The following WSB1 variants were observed in gnomAD, a reference collection of about 807,000 sequenced individuals.
WSB1 encodes WD repeat and SOCS box containing 1, also known as WD repeat and SOCS box-containing protein 1.
WSB1 carries 23 observed loss-of-function variants against 50.2 expected under a neutral mutation model. That is an observed-to-expected ratio of 0.46 (90% CI 0.33 to 0.65). WSB1 has a LOEUF of 0.65. Ranked by LOEUF, WSB1 falls within the 30% of genes least tolerant of loss-of-function variation. WSB1 has a pLI of 0.02. For synonymous variants in WSB1, 179 were observed against 172.0 expected, an observed-to-expected ratio of 1.04 and a Z score of -0.32; for missense variants, 492 against 522.3, an observed-to-expected ratio of 0.94 and a Z score of 0.56.
intron 3 of WSB1, among the ~76,000 whole-genome samples, chr17:27,304,491 G>A (rs2017359868): frequency 7.9e-6 from 1 of 127,150 alleles, no homozygotes; most frequent in Non-Finnish European, 1.6e-5. Context: ...TTGAGCCCAG[G>A]AGTTTTAGAC....
rs976122946 is a variant in WSB1 at position 27,313,164 on chromosome 17, A to G, written c.*795A>G. 3 of 152,568 alleles carry G rather than the reference A, an allele frequency of 2.0e-5. No individual in the cohort carries two copies. The highest frequency in any genetic ancestry group is 7.2e-5 in the African/African-American group (3 of 41,442). 9.5% of individuals were successfully genotyped at this position (152,568 alleles called of 1,614,324 possible). A position where few individuals can be genotyped will look rare whatever the true frequency, so the allele number is the denominator to read the frequency against. ...GAAAAGGATTTTATTATCCTTAGGA[A>G]TGTCATCCAAGACGTAGAGCTTGAA... On this transcript the variant is annotated 3_prime_UTR_variant, in exon 9 of 9. Transcript: ENST00000262394.
chr17:27,306,202 C>CTT (rs907711059), intron 4 of WSB1, among the ~76,000 whole-genome samples: 4,617 of 63,134 alleles, frequency 0.073, 1,239 homozygotes, highest in Non-Finnish European at 0.11. Flanking sequence ...AGAATTCTGT[C>CTT]TTTTTTTTTT....
intron 1 of WSB1, among the ~76,000 whole-genome samples, chr17:27,296,268 T>G (rs1253602893): frequency 1.3e-5 from 2 of 151,628 alleles, no homozygotes; most frequent in Non-Finnish European, 2.9e-5. Flanking sequence ...CATATTTAGG[T>G]CTCAGTGTTA....
Position 27,312,462 on chromosome 17 carries a change from G to C in WSB1, c.*93G>C. 1 of 1,500,552 alleles carries C rather than the reference G, an allele frequency of 6.7e-7. No individual in the cohort carries two copies. The highest frequency in any genetic ancestry group is 1.2e-5 in the South Asian group (1 of 80,006). The allele number at this position is 1,500,552 out of a possible 1,614,324, so 93.0% of individuals were successfully genotyped here. A position where few individuals can be genotyped will look rare whatever the true frequency, so the allele number is the denominator to read the frequency against. ...ACTTCAATTATCTGTTTTTAAAGACGTAGAAGATTTATTTAATTTGATATG... is the reference window on the plus strand; with the variant it reads ...ACTTCAATTATCTGTTTTTAAAGACCTAGAAGATTTATTTAATTTGATATG... On this transcript the variant is annotated 3_prime_UTR_variant, in exon 9 of 9. Coordinates refer to ENST00000262394, the MANE Select transcript of WSB1 (RefSeq NM_015626.10).
chr17:27,301,816 A>G lies in WSB1; in HGVS notation c.69A>G (p.Leu23=), dbSNP rs2017242580. 6.2e-7 allele frequency: 1 copy of G among 1,614,136 alleles called. No homozygotes were observed. The highest frequency in any genetic ancestry group is 8.5e-7 in the Non-Finnish European group (1 of 1,180,012). ...GATTACGTACTATAGGTGAACTTTTAGCTCCTGCAGCTCCTTTTGACAAGA... is the reference window on the plus strand; with the variant it reads ...GATTACGTACTATAGGTGAACTTTTGGCTCCTGCAGCTCCTTTTGACAAGA... ...IVRLRTIGEL[L]APAAPFDKKC... Residue 23 remains leucine (L), a synonymous_variant, in exon 2 of 9, where the codon TTA becomes TTG. Transcript: ENST00000262394.
chr17:27,303,726 C>G lies in WSB1; in HGVS notation c.478+91C>G, dbSNP rs2270760. On this transcript the variant is annotated intron_variant, in intron 3 of 8. Transcript: ENST00000262394. ...TGGAATTGGGATTTGAGGATTTCAG[C>G]TTACTGAAAAGCAAGAATTGATGGC... The G allele has an allele frequency of 1.3e-3, 1,991 of 1,480,490 alleles. 41 individuals are homozygous for G. The East Asian group carries it at 0.042, about 31-fold the overall frequency. 91.7% of individuals were successfully genotyped at this position (1,480,490 alleles called of 1,614,324 possible).
chr17:27,307,755 A>G, intron 5 of WSB1: 1 of 1,534,628 alleles, frequency 6.5e-7, no homozygotes, highest in East Asian at 2.5e-5. Flanking sequence ...TGGTGGCAGC[A>G]ATATTGGTGT....
rs764890411 is a variant in WSB1 at position 27,312,394 on chromosome 17, G to C, written c.*25G>C. ...GAAGATTCTGCCTTCCCTAGTAGTA[G>C]GGACTGACAGAATACACTTAACACA... On this transcript the variant is annotated 3_prime_UTR_variant, in exon 9 of 9. Transcript: ENST00000262394. The C allele has an allele frequency of 4.3e-6, 7 of 1,610,378 alleles. 1 individual carries two copies. The South Asian group carries it at 7.7e-5, about 18-fold the overall frequency.
chr17:27,304,936 A>C, intron 4 of WSB1, 25 bp downstream of exon 4: 1 of 1,612,830 alleles, frequency 6.2e-7, no homozygotes, highest in Non-Finnish European at 8.5e-7. Context: ...CAAGCTATGA[A>C]CTAGGATTTG....
intron 5 of WSB1, chr17:27,307,411 G>A: frequency 2.7e-6 from 1 of 368,220 alleles, no homozygotes; most frequent in Non-Finnish European, 4.9e-6. Context: ...CTGTTAAGAG[G>A]GTTATGCTTA....
At chr17:27,295,957 C>T (rs1597748065) in intron 1 of WSB1, among the ~76,000 whole-genome samples, 1 of 152,068 alleles carries the variant, frequency 6.6e-6, no homozygotes, top group Admixed American at 6.6e-5. Flanking sequence ...CCTCCCTCAG[C>T]CTCCTGAGTA....
intron 4 of WSB1, 98 bp from the exon 5 acceptor site, chr17:27,306,684 C>A: frequency 8.3e-7 from 1 of 1,205,214 alleles, no homozygotes. Context: ...TTGCTTTCAG[C>A]TATAAATGTT....
At chr17:27,311,768 A>G (rs777930387) in intron 8 of WSB1, 152 bp downstream of exon 8, 3 of 612,686 alleles carry the variant, frequency 4.9e-6, no homozygotes, top group Non-Finnish European at 5.4e-6. Context: ...AGTAGCTGGG[A>G]CTACAGGTGC....
At chr17:27,294,470 C>T in intron 1 of WSB1, 35 bp downstream of exon 1, 4 of 1,611,166 alleles carry the variant, frequency 2.5e-6, no homozygotes, top group Non-Finnish European at 3.4e-6. Context: ...CGCATGAGGG[C>T]CGAGGAGAGG....
chr17:27,297,366 A>G (rs961198933), intron 1 of WSB1: 9 of 151,394 alleles, frequency 5.9e-5, no homozygotes, highest in Non-Finnish European at 1.2e-4. Context: ...GGGGGGTTTC[A>G]CCATGTTAGC....
rs533210726 is a variant in WSB1, at chr17:27,313,205, AAAC to A, written c.*845_*847del. The A allele has an allele frequency of 2.1e-3, 328 of 152,640 alleles. 1 individual carries two copies. The highest frequency in any genetic ancestry group is 3.5e-3 in the Admixed American group (54 of 15,288). The allele number at this position is 152,640 out of a possible 1,614,324, so 9.5% of individuals were successfully genotyped here. A position where few individuals can be genotyped will look rare whatever the true frequency, so the allele number is the denominator to read the frequency against. ...AGAGCTTGAATGTGACGTTATTTAAAAACAACAACAAAGAAGGCAGAGCCAGGA... is the reference window on the plus strand; with the variant it reads ...AGAGCTTGAATGTGACGTTATTTAAAAACAACAAAGAAGGCAGAGCCAGGA... On this transcript the variant is annotated 3_prime_UTR_variant, in exon 9 of 9. Transcript: ENST00000262394.
chr17:27,298,085 A>G (rs1412002622), intron 1 of WSB1, among the ~76,000 whole-genome samples: 5 of 147,256 alleles, frequency 3.4e-5, no homozygotes, highest in Admixed American at 7.0e-5. Flanking sequence ...AGATCATGCC[A>G]CTGCACTCCA....
At position 27,307,991 on chromosome 17, in the gene WSB1, T is replaced by G. The variant is rs1009481498; in HGVS notation, c.711+1109T>G. On this transcript the variant is annotated intron_variant, in intron 5 of 8. Coordinates refer to ENST00000262394, the MANE Select transcript of WSB1 (RefSeq NM_015626.10). ...TTTTTTAAAGTAATTTCCCCCACAG[T>G]AAAATACACTGACTCCTGAGTAAAT... 4.8e-6 allele frequency: 6 copies of G among 1,239,826 alleles called. No individual in the cohort carries two copies. The African/African-American group carries it at 9.3e-5, about 19-fold the overall frequency. 76.8% of individuals were successfully genotyped at this position (1,239,826 alleles called of 1,614,324 possible).
chr17:27,306,652 G>A (rs1384950236), intron 4 of WSB1, 130 bp from the exon 5 acceptor site: 30 of 811,436 alleles, frequency 3.7e-5, no homozygotes, highest in South Asian at 3.2e-4. Flanking sequence ...GGTGTATATC[G>A]GTAACCCTTG....
Sources: allele counts gnomAD v4.1 joint callset (sites outside exome capture counted in the v4.1 genomes callset), GRCh38; gene constraint gnomAD v4.1.1; transcripts MANE v1.5; gene names NCBI Gene and HGNC (gene_info 2026-07-23, HGNC 2026-07-21).